GAS7: variants seen among roughly 807,000 people sequenced by gnomAD.
The protein encoded by GAS7 is growth arrest specific 7.
A neutral mutation model predicts 71.1 loss-of-function variants in GAS7; 28 were observed. The observed-to-expected ratio is 0.39, with a 90% CI of 0.29 to 0.54. The LOEUF is 0.54. Among genes scored for constraint, GAS7 ranks in the 20% least tolerant of loss-of-function variants. The pLI is 0.62. For synonymous variants in GAS7, 258 were observed against 245.8 expected (o/e 1.05, Z -0.46); for missense variants, 436 against 627.8 (o/e 0.69, Z 3.27).
intron 1 of GAS7, among the ~76,000 whole-genome samples, chr17:10,184,115 T>C (rs117325268): frequency 5.3e-5 from 8 of 152,194 alleles, no homozygotes; most frequent in African/African-American, 1.9e-4. Flanking sequence ...GTAGAGACCA[T>C]GTCCCCGTTG....
intron 1 of GAS7, among the ~76,000 whole-genome samples, chr17:10,099,791 G>A (rs1410498379): frequency 6.6e-6 from 1 of 152,134 alleles, no homozygotes; most frequent in African/African-American, 2.4e-5. Flanking sequence ...TCTCCCCAAG[G>A]TATACCCTCT....
intron 1 of GAS7, among the ~76,000 whole-genome samples, chr17:10,170,130 T>TCTCC (rs1450781577): frequency 6.6e-6 from 1 of 151,664 alleles, no homozygotes; most frequent in Non-Finnish European, 1.5e-5. Flanking sequence ...ACCTTACTTG[T>TCTCC]CTCCCTCCTT....
intron 1 of GAS7, among the ~76,000 whole-genome samples, chr17:10,189,940 C>CAA (rs776083493): frequency 7.7e-6 from 1 of 130,080 alleles, no homozygotes. Flanking sequence ...TTCCATCTCC[C>CAA]AAAAAAAAAA....
Position 9,986,479 on chromosome 17 carries a change from G to C in GAS7, c.305-4595C>G, listed in dbSNP as rs560755879. On this transcript the variant is annotated intron_variant, in intron 2 of 13. Coordinates refer to ENST00000432992, the MANE Select transcript of GAS7 (RefSeq NM_201433.2). ...AATAACATCTGGACTATTGAACAGAGAAGCTGCTGGTCCCCGTTCCTCTCC... is the reference window on the plus strand; with the variant it reads ...AATAACATCTGGACTATTGAACAGACAAGCTGCTGGTCCCCGTTCCTCTCC... Among the ~76,000 whole-genome samples the C allele has an allele frequency of 2.6e-5, 4 of 152,260 alleles. No homozygotes were observed. The South Asian group carries it at 8.3e-4, about 32-fold the overall frequency.
intron 9 of GAS7, among the ~76,000 whole-genome samples, chr17:9,929,506 A>G (rs1308602860): frequency 6.6e-6 from 1 of 151,894 alleles, no homozygotes; most frequent in Non-Finnish European, 1.5e-5. Context: ...ACGGAGTCTC[A>G]CTCTGTCTCC....
chr17:10,162,739 C>T (rs1172356444), intron 1 of GAS7, among the ~76,000 whole-genome samples: 2 of 152,112 alleles, frequency 1.3e-5, no homozygotes, highest in African/African-American at 2.4e-5. Flanking sequence ...GCTAAATAAG[C>T]CCATCACACG....
intron 1 of GAS7, among the ~76,000 whole-genome samples, chr17:10,197,906 C>G (rs550621080): frequency 2.0e-5 from 3 of 152,342 alleles, no homozygotes; most frequent in African/African-American, 7.2e-5. Flanking sequence ...GGAACGCTCC[C>G]GCCTGCTCCT....
At chr17:10,126,036 C>A (rs1299921987) in intron 1 of GAS7, among the ~76,000 whole-genome samples, 1 of 152,118 alleles carries the variant, frequency 6.6e-6, no homozygotes, top group African/African-American at 2.4e-5. Context: ...GTTCCCTGGC[C>A]CCCATCGCAG....
At chr17:9,930,238 C>T (rs990871783) in intron 9 of GAS7, among the ~76,000 whole-genome samples, 18 of 152,166 alleles carry the variant, frequency 1.2e-4, no homozygotes, top group African/African-American at 3.6e-4. Context: ...GTGCAGATAT[C>T]GGAGTGGATA....
intron 1 of GAS7, among the ~76,000 whole-genome samples, chr17:10,057,913 T>G (rs1413935232): frequency 6.6e-6 from 1 of 152,288 alleles, no homozygotes; most frequent in Admixed American, 6.5e-5. Flanking sequence ...AGAAAAATTC[T>G]TCTGCCTTGG....
At chr17:10,030,765 C>T (rs2072598128) in intron 1 of GAS7, among the ~76,000 whole-genome samples, 1 of 152,220 alleles carries the variant, frequency 6.6e-6, no homozygotes, top group Non-Finnish European at 1.5e-5. Context: ...GGCCTCACTA[C>T]TTGGTGTAGA....
chr17:10,049,850 A>G (rs146201890), intron 1 of GAS7, among the ~76,000 whole-genome samples: 11,680 of 151,866 alleles, frequency 0.077, 1,078 homozygotes, highest in African/African-American at 0.22. Context: ...TGGAACTCCC[A>G]ACCTTGTGAT....
chr17:10,095,815 A>T (rs950534134), intron 1 of GAS7, among the ~76,000 whole-genome samples: 18 of 151,918 alleles, frequency 1.2e-4, no homozygotes, highest in South Asian at 4.2e-4. Flanking sequence ...AAAAAAAAAA[A>T]AAATAAGGTT....
intron 1 of GAS7, among the ~76,000 whole-genome samples, chr17:10,136,228 G>C (rs970249168): frequency 2.0e-5 from 3 of 152,186 alleles, no homozygotes; most frequent in African/African-American, 7.2e-5. Flanking sequence ...CACGGGGGAG[G>C]CTGGGTGAGT....
Position 9,926,285 on chromosome 17 carries a change from G to A in GAS7, c.1014+356C>T, listed in dbSNP as rs1020078627. Among the ~76,000 whole-genome samples the A allele has an allele frequency of 6.6e-5, 10 of 152,140 alleles. No homozygotes were observed. The highest frequency in any genetic ancestry group is 9.7e-5 in the African/African-American group (4 of 41,418). ...AGGGAGGCGGTGACTGAGTCAGGAC[G>A]ACTCAGCCAGGTGAGGCTTAAACAC... On this transcript the variant is annotated intron_variant, in intron 10 of 13. Transcript: ENST00000432992. The surrounding 1 kb of genome is among the most constrained non-coding windows in gnomAD (Gnocchi z 5.0).
rs112434439 is a variant in GAS7 at position 10,115,034 on chromosome 17, T to G, written c.183+83174A>C. 8.3e-3 allele frequency among the ~76,000 whole-genome samples: 1,267 copies of G among 152,126 alleles called. 8 individuals are homozygous for G. The highest frequency in any genetic ancestry group is 0.023 in the African/African-American group (953 of 41,552). On this transcript the variant is annotated intron_variant, in intron 1 of 13. Transcript: ENST00000432992. ...AAGCTGTCCTCTGTCTGTCTGTCTG[T>G]CTGGCTGGCTGGCTGGCTGCCTCTC...
chr17:10,196,186 C>T (rs892473528), intron 1 of GAS7, among the ~76,000 whole-genome samples: 4 of 152,082 alleles, frequency 2.6e-5, no homozygotes, highest in Non-Finnish European at 5.9e-5. Flanking sequence ...TAGTTGAGCC[C>T]GGGCTATCAT....
chr17:9,945,071 A>G (rs2068741490), intron 6 of GAS7, among the ~76,000 whole-genome samples: 1 of 152,130 alleles, frequency 6.6e-6, no homozygotes, highest in East Asian at 1.9e-4. Flanking sequence ...GCGGCATCAG[A>G]CATTCCTACC....
intron 2 of GAS7, among the ~76,000 whole-genome samples, chr17:10,004,839 GTC>G (rs2071404952): frequency 6.6e-6 from 1 of 152,092 alleles, no homozygotes; most frequent in Non-Finnish European, 1.5e-5. Context: ...GTGAAATCCT[GTC>G]TCTACAAAAA....
Sources: gnomAD v4.1 joint callset for allele counts (sites outside exome capture counted in the v4.1 genomes callset) on GRCh38, gnomAD v4.1.1 for gene constraint, Gnocchi (gnomAD v3.1) non-coding constraint, MANE v1.5 for transcripts, NCBI Gene and HGNC (gene_info 2026-07-23, HGNC 2026-07-21) for gene names.